The following ATAD2B variants were observed in gnomAD, a reference collection of about 807,000 sequenced individuals.
ATAD2B encodes the protein ATPase family AAA domain containing 2B, also known as ATPase family AAA domain-containing protein 2B.
In ATAD2B, 40 loss-of-function variants were observed where a neutral mutation model predicts 167.6. The observed-to-expected ratio is 0.24, with a 90% CI of 0.19 to 0.31. The LOEUF (loss-of-function observed/expected upper bound fraction) is 0.31. Among genes scored for constraint, ATAD2B ranks in the 10% least tolerant of loss-of-function variants. The probability of loss-of-function intolerance (pLI) is 1.00; values close to 1 mark genes in which losing one functional copy is unlikely to be tolerated. For synonymous variants in ATAD2B, 579 were observed against 596.5 expected (o/e 0.97, Z 0.43); for missense variants, 1,242 against 1,757.2 (o/e 0.71, Z 5.24).
At chr2:23,710,774 A>G in the ATAD2B span, among the ~76,000 whole-genome samples, 15 of 152,252 alleles carry the variant, frequency 9.9e-5, no homozygotes, top group African/African-American at 3.6e-4. Flanking sequence ...AGGTATTATA[A>G]GTAATCTAGA....
chr2:23,796,927 C>G (rs1419979281), intron 19 of ATAD2B, among the ~76,000 whole-genome samples: 1 of 152,132 alleles, frequency 6.6e-6, no homozygotes, highest in Non-Finnish European at 1.5e-5. Context: ...TTTTCTAACT[C>G]TTGCTACATA....
intron 12 of ATAD2B, among the ~76,000 whole-genome samples, chr2:23,862,353 C>T (rs1694512448): frequency 6.6e-6 from 1 of 151,034 alleles, no homozygotes; most frequent in East Asian, 1.9e-4. Context: ...ATATGAACAG[C>T]ATCCTTCACT....
chr2:23,760,106 C>T (rs547558210), intron 24 of ATAD2B, among the ~76,000 whole-genome samples: 7 of 152,296 alleles, frequency 4.6e-5, no homozygotes, highest in African/African-American at 1.7e-4. Flanking sequence ...GGCTGGGAGC[C>T]CTGCTGAAGC....
chr2:23,741,823 T>A, the ATAD2B span, among the ~76,000 whole-genome samples: 3 of 151,936 alleles, frequency 2.0e-5, no homozygotes, highest in African/African-American at 7.3e-5. Context: ...GGGCTAATAT[T>A]CAGAATCTAC....
rs3030816 is a variant in ATAD2B, at chr2:23,805,795, T to TAAAAAAAAAAAAAAA, written c.2454+4520_2454+4521insTTTTTTTTTTTTTTT. 4.8e-4 allele frequency among the ~76,000 whole-genome samples: 48 copies of TAAAAAAAAAAAAAAA among 100,958 alleles called. 1 individual carries two copies. Among genetic ancestry groups the TAAAAAAAAAAAAAAA allele is most frequent in the African/African-American group, 1.4e-3 (42 of 29,432 alleles). The allele number at this position is 100,958 out of a possible 152,430, so 66.2% of individuals were successfully genotyped here. ...ATCTCCAAATGGCATTATCAAGCTT[T>TAAAAAAAAAAAAAAA]AAAAAAAAAAAAACAAATCTGATAC... On this transcript the variant is annotated intron_variant, in intron 18 of 27. Transcript: ENST00000238789.
the ATAD2B span, among the ~76,000 whole-genome samples, chr2:23,693,873 A>G: frequency 1.2e-4 from 19 of 152,178 alleles, no homozygotes; most frequent in African/African-American, 4.1e-4. Flanking sequence ...ACAGCCCGCA[A>G]TGGACCAAAT....
chr2:23,680,155 G>C, the ATAD2B span, among the ~76,000 whole-genome samples: 1 of 152,184 alleles, frequency 6.6e-6, no homozygotes, highest in Non-Finnish European at 1.5e-5. This position sits in a 1 kb window ranked among gnomAD's most constrained non-coding sequence, Gnocchi z 4.1. Context: ...TCAAGTGAAA[G>C]ATGAGGGCAG....
chr2:23,721,372 C>CG, the ATAD2B span, among the ~76,000 whole-genome samples: 1 of 152,234 alleles, frequency 6.6e-6, no homozygotes, highest in Non-Finnish European at 1.5e-5. Flanking sequence ...TGCCCATACC[C>CG]GGGACTGAAA....
chr2:23,705,178 C>T, the ATAD2B span, among the ~76,000 whole-genome samples: 2 of 152,204 alleles, frequency 1.3e-5, no homozygotes, highest in Non-Finnish European at 2.9e-5. Context: ...AGGATGCTCG[C>T]ACCTTCTCTG....
the ATAD2B span, among the ~76,000 whole-genome samples, chr2:23,710,466 AG>A: frequency 6.6e-6 from 1 of 152,242 alleles, no homozygotes; most frequent in East Asian, 1.9e-4. Flanking sequence ...CCCCGTGAGC[AG>A]TGAAGGGTTC....
chr2:23,784,968 A>G (rs1680600616), intron 21 of ATAD2B, among the ~76,000 whole-genome samples: 1 of 152,128 alleles, frequency 6.6e-6, no homozygotes, highest in Non-Finnish European at 1.5e-5. Context: ...AAGTAAGAAT[A>G]ATAATAATGA....
At chr2:23,850,138 CAAAAAAAA>C (rs751139594) in intron 13 of ATAD2B, among the ~76,000 whole-genome samples, 1 of 58,270 alleles carries the variant, frequency 1.7e-5, no homozygotes, top group South Asian at 6.1e-4. Context: ...GACTCCGTCT[CAAAAAAAA>C]AAAAAAAAAA....
intron 19 of ATAD2B, among the ~76,000 whole-genome samples, chr2:23,793,948 A>T (rs985333163): frequency 1.3e-5 from 2 of 152,232 alleles, no homozygotes; most frequent in African/African-American, 4.8e-5. Context: ...TTTGAAAAAT[A>T]TATTTTTCCA....
At chr2:23,684,321 G>GAA in the ATAD2B span, 3 of 1,130,094 alleles carry the variant, frequency 2.7e-6, no homozygotes, top group African/African-American at 3.3e-5. The surrounding 1 kb of genome is among the most constrained non-coding windows in gnomAD (Gnocchi z 4.4). Context: ...CTTGAAAAAA[G>GAA]AAAAAAAACT....
the ATAD2B span, among the ~76,000 whole-genome samples, chr2:23,700,486 CTTTCCAACTCCATG>C: frequency 1.3e-5 from 2 of 152,194 alleles, no homozygotes; most frequent in African/African-American, 4.8e-5. This position sits in a 1 kb window ranked among gnomAD's most constrained non-coding sequence, Gnocchi z 4.6. Flanking sequence ...CAGCACATCT[CTTTCCAACTCCATG>C]TTCAGCAACA....
At chr2:23,844,566 A>G (rs1166717300) in intron 13 of ATAD2B, among the ~76,000 whole-genome samples, 2 of 152,252 alleles carry the variant, frequency 1.3e-5, no homozygotes, top group Non-Finnish European at 2.9e-5. Context: ...ATGTATATGT[A>G]TAGATGAAAA....
chr2:23,804,623 A>C lies in ATAD2B; in HGVS notation c.2454+5693T>G, dbSNP rs190884780. On this transcript the variant is annotated intron_variant, in intron 18 of 27. Transcript: ENST00000238789. ...ACAAGAGACCAGAGGATGAAGTTAGAATTCAAAGTTGGCCAAGCAGGATTC... is the reference window on the plus strand; with the variant it reads ...ACAAGAGACCAGAGGATGAAGTTAGCATTCAAAGTTGGCCAAGCAGGATTC... 5.7e-4 allele frequency among the ~76,000 whole-genome samples: 86 copies of C among 152,136 alleles called. No homozygotes were observed. In the East Asian group the frequency reaches 0.011, roughly 20 times the overall value.
chr2:23,865,471 G>A lies in ATAD2B; in HGVS notation c.1189-547C>T, dbSNP rs1339046709. Among the ~76,000 whole-genome samples the A allele has an allele frequency of 5.3e-5, 8 of 151,414 alleles. No homozygotes were observed. In the East Asian group the frequency reaches 1.6e-3, roughly 29 times the overall value. On this transcript the variant is annotated intron_variant, in intron 10 of 27. Coordinates refer to ENST00000238789, the MANE Select transcript of ATAD2B (RefSeq NM_017552.4). ...TTGATCCTGGGAGGCGGAGGTTGCA[G>A]TGAGCTGAGATCGCACCATTGCACT... is the stretch of plus-strand genomic sequence containing the variant.
intron 1 of ATAD2B, among the ~76,000 whole-genome samples, chr2:23,905,075 C>G (rs1701312600): frequency 6.6e-6 from 1 of 152,004 alleles, no homozygotes; most frequent in African/African-American, 2.4e-5. Context: ...TAGAAGCGAC[C>G]TGTTAGTTTA....
Sources: gnomAD v4.1 joint callset for allele counts (sites outside exome capture counted in the v4.1 genomes callset) on GRCh38, gnomAD v4.1.1 for gene constraint, Gnocchi (gnomAD v3.1) non-coding constraint, MANE v1.5 for transcripts, NCBI Gene and HGNC (gene_info 2026-07-23, HGNC 2026-07-21) for gene names.